Variants in SVOPL observed in about 807,000 individuals in gnomAD.
The protein encoded by SVOPL is SVOP like, also known as putative transporter SVOPL.
In SVOPL, 60 loss-of-function variants were observed where a neutral mutation model predicts 61.0. The ratio of observed to expected loss-of-function variants is 0.98; its 90% CI spans 0.80 to 1.22. SVOPL has a LOEUF of 1.22. Ranked by LOEUF, SVOPL falls within the 50% of genes most tolerant of loss-of-function variation. SVOPL has a pLI of 0.00. For synonymous variants in SVOPL, 279 were observed against 250.0 expected (o/e 1.12, Z -1.09); for missense variants, 662 against 643.9 (o/e 1.03, Z -0.30).
intron 8 of SVOPL, 126 bp from the exon 9 acceptor site, chr7:138,644,971 G>A (rs1801023471): frequency 1.6e-6 from 2 of 1,222,100 alleles, no homozygotes; most frequent in Non-Finnish European, 2.3e-6. Flanking sequence ...CCAGCTTAAA[G>A]GCATGCAATG....
At chr7:138,615,667 T>C (rs77847025) in intron 14 of SVOPL, among the ~76,000 whole-genome samples, 1 of 81,252 alleles carries the variant, frequency 1.2e-5, no homozygotes, top group Non-Finnish European at 2.7e-5. Flanking sequence ...TGGTGGCAGG[T>C]GCCTGTAGTC....
chr7:138,621,214 G>T, intron 13 of SVOPL, 79 bp from the exon 14 acceptor site: 1 of 1,293,884 alleles, frequency 7.7e-7, no homozygotes, highest in Non-Finnish European at 1.1e-6. Flanking sequence ...TTCCTCCCCA[G>T]GTCAGGTTTT....
At chr7:138,623,339 G>A (rs906565315) in intron 13 of SVOPL, among the ~76,000 whole-genome samples, 1 of 152,086 alleles carries the variant, frequency 6.6e-6, no homozygotes, top group South Asian at 2.1e-4. Context: ...GGTGGCTCAC[G>A]CCTGTAATCC....
chr7:138,629,903 T>C, intron 10 of SVOPL, 146 bp downstream of exon 10: 1 of 650,792 alleles, frequency 1.5e-6, no homozygotes. Flanking sequence ...GTGGTGTTTG[T>C]AGAAAGACAA....
chr7:138,602,441 CTATATATATATATATATATATA>C (rs59400217), intron 14 of SVOPL, among the ~76,000 whole-genome samples: 5 of 140,678 alleles, frequency 3.6e-5, no homozygotes, highest in African/African-American at 1.3e-4. Flanking sequence ...AAGGCAGTTG[CTATATATATATATATATATATA>C]TATATATATA....
chr7:138,617,570 C>G (rs1293749494), intron 14 of SVOPL, among the ~76,000 whole-genome samples: 1 of 152,096 alleles, frequency 6.6e-6, no homozygotes, highest in Non-Finnish European at 1.5e-5. Context: ...TAACTGAGGC[C>G]AGGCTCAGCG....
At chr7:138,595,497 T>C (rs1472685238) in intron 15 of SVOPL, among the ~76,000 whole-genome samples, 2 of 152,188 alleles carry the variant, frequency 1.3e-5, no homozygotes, top group Non-Finnish European at 2.9e-5. Flanking sequence ...AAAAGCCTTC[T>C]AGGTGGATAT....
intron 7 of SVOPL, among the ~76,000 whole-genome samples, chr7:138,652,788 C>T (rs544484512): frequency 1.3e-5 from 2 of 152,042 alleles, no homozygotes; most frequent in East Asian, 3.9e-4. Context: ...CCACACCCGA[C>T]TAATTTTTTG....
Position 138,659,916 on chromosome 7 carries a change from A to G in SVOPL, c.418T>C (p.Phe140Leu). The G allele has an allele frequency of 6.4e-7, 1 of 1,551,560 alleles. No individual in the cohort carries two copies. Among genetic ancestry groups the G allele is most frequent in the Non-Finnish European group, 8.7e-7 (1 of 1,146,978 alleles). Residue 140 changes from phenylalanine to leucine, a missense_variant, in exon 6 of 16, where the codon TTT (phenylalanine) becomes CTT (leucine). Phe to Leu is a conservative substitution (Grantham distance 22). Coordinates refer to ENST00000674285, the MANE Select transcript of SVOPL (RefSeq NM_001139456.2). ...LTSFAPSYIW[F>L]VFLRTMVGCG... Reference sequence around the variant, plus strand: ...CCCACCATCGTCCGCAGGAAGACAAACCAGATGTACGAAGGAGCAAACGAG... The same window carrying G: ...CCCACCATCGTCCGCAGGAAGACAAGCCAGATGTACGAAGGAGCAAACGAG...
At chr7:138,656,972 G>A (rs1228749045) in intron 6 of SVOPL, among the ~76,000 whole-genome samples, 1 of 151,958 alleles carries the variant, frequency 6.6e-6, no homozygotes, top group African/African-American at 2.4e-5. Context: ...AGCCCAGGAG[G>A]TGGAGGTTGT....
chr7:138,638,862 T>A (rs746786110), intron 9 of SVOPL, among the ~76,000 whole-genome samples: 1 of 152,130 alleles, frequency 6.6e-6, no homozygotes, highest in South Asian at 2.1e-4. Flanking sequence ...GCAAACTCAA[T>A]CTAATAGAAG....
intron 14 of SVOPL, among the ~76,000 whole-genome samples, chr7:138,599,000 C>A (rs1798394253): frequency 6.6e-6 from 1 of 151,550 alleles, no homozygotes. Flanking sequence ...TAGCATGCAC[C>A]TGTAGTCCCA....
At chr7:138,662,903 G>C in intron 5 of SVOPL, 171 bp downstream of exon 5, 5 of 1,444,308 alleles carry the variant, frequency 3.5e-6, no homozygotes, top group Non-Finnish European at 4.5e-6. Context: ...GGTACCCTGA[G>C]AAAAATGTCC....
intron 14 of SVOPL, among the ~76,000 whole-genome samples, chr7:138,605,640 CA>C (rs1159063438): frequency 0.31 from 26,204 of 84,498 alleles, 1,186 homozygotes; most frequent in East Asian, 0.39. Flanking sequence ...CTAACCTGGG[CA>C]AAAAAAAAAA....
At chr7:138,633,305 G>A (rs1356137363) in intron 9 of SVOPL, among the ~76,000 whole-genome samples, 4 of 152,174 alleles carry the variant, frequency 2.6e-5, no homozygotes, top group Non-Finnish European at 2.9e-5. Flanking sequence ...CCAGTGTCGG[G>A]GGTGGAGGCT....
rs1563096519 is a variant in SVOPL, at chr7:138,622,186, C to CTATCTATCTATG, written c.1264-1052_1264-1051insCATAGATAGATA. ...TCTATGTATCTATCTGTCTATGTAT[C>CTATCTATCTATG]TATCTATCTATCTATGTATCTATCT... On this transcript the variant is annotated intron_variant, in intron 13 of 15. Transcript: ENST00000674285. Among the ~76,000 whole-genome samples, 6 of 59,680 alleles carry CTATCTATCTATG rather than the reference C, an allele frequency of 1.0e-4. 1 individual carries two copies. The highest frequency in any genetic ancestry group is 4.7e-4 in the African/African-American group (6 of 12,814). 39.2% of individuals were successfully genotyped at this position (59,680 alleles called of 152,430 possible).
At chr7:138,654,674 C>A (rs117937947) in intron 7 of SVOPL, among the ~76,000 whole-genome samples, 2 of 151,656 alleles carry the variant, frequency 1.3e-5, no homozygotes, top group Non-Finnish European at 2.9e-5. Flanking sequence ...ACTGTTGAGA[C>A]CTACTTCTCG....
chr7:138,648,035 G>A (rs1801209458), intron 8 of SVOPL, among the ~76,000 whole-genome samples: 1 of 152,072 alleles, frequency 6.6e-6, no homozygotes, highest in Admixed American at 6.6e-5. Flanking sequence ...CGGTTCTGCT[G>A]AGTGGTCAAT....
chr7:138,609,489 C>CAAAAAA (rs35516590), intron 14 of SVOPL, among the ~76,000 whole-genome samples: 3 of 48,328 alleles, frequency 6.2e-5, no homozygotes, highest in Admixed American at 2.3e-4. Flanking sequence ...ACCACCTCTA[C>CAAAAAA]AAAAAAAAAA....
Sources: gnomAD v4.1 joint callset for allele counts (sites outside exome capture counted in the v4.1 genomes callset) on GRCh38, gnomAD v4.1.1 for gene constraint, MANE v1.5 for transcripts, NCBI Gene and HGNC (gene_info 2026-07-23, HGNC 2026-07-21) for gene names.